Variants in THSD4 observed in about 807,000 individuals in gnomAD.
THSD4 encodes thrombospondin type-1 domain-containing protein 4.
In THSD4, 69 loss-of-function variants were observed where a neutral mutation model predicts 119.0. The ratio of observed to expected loss-of-function variants is 0.58; its 90% confidence interval spans 0.48 to 0.71. The LOEUF is 0.71. Ranked by LOEUF, THSD4 falls within the 30% of genes least tolerant of loss-of-function variation. THSD4 has a pLI of 0.00. For synonymous variants in THSD4, 524 were observed against 540.4 expected, an observed-to-expected ratio of 0.97 and a Z score of 0.42; for missense variants, 1,393 against 1,391.1, an observed-to-expected ratio of 1.00 and a Z score of -0.02.
At chr15:71,725,362 G>A (rs889335839) in intron 8 of THSD4, among the ~76,000 whole-genome samples, 13 of 152,178 alleles carry the variant, frequency 8.5e-5, no homozygotes, top group African/African-American at 3.1e-4. Context: ...GCAAAGTTTG[G>A]CCTGTCAACA....
intron 3 of THSD4, among the ~76,000 whole-genome samples, chr15:71,198,480 CAT>C (rs1371247442): frequency 6.6e-6 from 1 of 152,228 alleles, no homozygotes; most frequent in African/African-American, 2.4e-5. Context: ...AGAATTCTTG[CAT>C]ATCAGGCTGG....
intron 9 of THSD4, chr15:71,729,659 A>T (rs1465712313): frequency 7.2e-5 from 11 of 151,924 alleles, no homozygotes; most frequent in Admixed American, 6.6e-4. Context: ...GTTGAATCTG[A>T]ATATATTTTA....
At chr15:71,485,695 AAGAG>A (rs371299748) in intron 7 of THSD4, among the ~76,000 whole-genome samples, 216 of 152,212 alleles carry the variant, frequency 1.4e-3, no homozygotes, top group African/African-American at 3.9e-3. Flanking sequence ...GAAAAAAAAA[AAGAG>A]AGAGAATAAA....
At position 71,456,440 on chromosome 15, in the gene THSD4, T is replaced by C. The variant is rs150342442; in HGVS notation, c.1152+44617T>C. 1.6e-3 allele frequency among the ~76,000 whole-genome samples: 239 copies of C among 152,350 alleles called. 1 individual carries two copies. The highest frequency in any genetic ancestry group is 5.2e-3 in the African/African-American group (215 of 41,584). ...AGCATTGTTTCATGATTCATGGTGA[T>C]GATGAAGGCACTGTGCTAAGCATAT... On this transcript the variant is annotated intron_variant, in intron 7 of 17. Transcript: ENST00000261862.
intron 6 of THSD4, among the ~76,000 whole-genome samples, chr15:71,291,500 T>C (rs2044791333): frequency 6.6e-6 from 1 of 152,048 alleles, no homozygotes; most frequent in Non-Finnish European, 1.5e-5. Context: ...AGAGACAAAT[T>C]CCAACACAAG....
rs529193823 is a variant in THSD4 at position 71,595,483 on chromosome 15, C to A, written c.1153-65047C>A. 1.6e-4 allele frequency among the ~76,000 whole-genome samples: 24 copies of A among 152,258 alleles called. No individual in the cohort carries two copies. The South Asian group carries it at 2.7e-3, about 17-fold the overall frequency. On this transcript the variant is annotated intron_variant, in intron 7 of 17. Transcript: ENST00000261862. Reference sequence around the variant, plus strand: ...CCACCATGTAAGAAGTGCCTTTCGCCTCCTGCCATGATTCGGAGGCCTACC... The same window carrying A: ...CCACCATGTAAGAAGTGCCTTTCGCATCCTGCCATGATTCGGAGGCCTACC...
intron 7 of THSD4, among the ~76,000 whole-genome samples, chr15:71,594,008 G>C (rs1885400587): frequency 6.6e-6 from 1 of 151,994 alleles, no homozygotes; most frequent in South Asian, 2.1e-4. Flanking sequence ...GAGGGGAAAG[G>C]TGCCCAGGAA....
intron 6 of THSD4, among the ~76,000 whole-genome samples, chr15:71,321,012 C>T (rs1388978860): frequency 1.3e-5 from 2 of 152,092 alleles, no homozygotes; most frequent in Non-Finnish European, 2.9e-5. Flanking sequence ...TGAAAATAAA[C>T]GTTAAAACAT....
intron 3 of THSD4, among the ~76,000 whole-genome samples, chr15:71,207,000 C>G (rs1334930883): frequency 2.0e-5 from 3 of 152,250 alleles, no homozygotes; most frequent in Non-Finnish European, 4.4e-5. Context: ...TTATTATAAT[C>G]ATGGTGTCGT....
chr15:71,695,490 T>TTG (rs1355737158), intron 8 of THSD4, among the ~76,000 whole-genome samples: 8 of 141,166 alleles, frequency 5.7e-5, no homozygotes, highest in African/African-American at 2.2e-4. Context: ...CATAAAATAT[T>TTG]TGTGTGTGTG....
intron 7 of THSD4, among the ~76,000 whole-genome samples, chr15:71,437,100 C>A (rs908993152): frequency 1.4e-5 from 2 of 142,978 alleles, no homozygotes; most frequent in African/African-American, 5.2e-5. Context: ...CCTCAAGAAG[C>A]TTACAATTAT....
At position 71,321,215 on chromosome 15, in the gene THSD4, G is replaced by A. The variant is rs117359898; in HGVS notation, c.1015+64500G>A. On this transcript the variant is annotated intron_variant, in intron 6 of 17. Coordinates refer to ENST00000261862, the MANE Select transcript of THSD4 (RefSeq NM_024817.3). ...ACCAGAGCTGGACCTAAGATCTTCTGCAGCTTCATGTACTCCCTCTGTAAA... is the reference window on the plus strand; with the variant it reads ...ACCAGAGCTGGACCTAAGATCTTCTACAGCTTCATGTACTCCCTCTGTAAA... Among the ~76,000 whole-genome samples the A allele has an allele frequency of 1.8e-4, 27 of 152,236 alleles. No homozygotes were observed. The East Asian group carries it at 5.2e-3, about 29-fold the overall frequency.
intron 7 of THSD4, among the ~76,000 whole-genome samples, chr15:71,501,602 T>C (rs1425634708): frequency 1.3e-5 from 2 of 152,252 alleles, no homozygotes; most frequent in Admixed American, 6.5e-5. Flanking sequence ...GCTGAGTTGA[T>C]GGAATAATCC....
chr15:71,157,477 C>T lies in THSD4; in HGVS notation c.99+2545C>T, dbSNP rs111842160. ...GTGGTGAGAACATTCAAAAGCCTCT[C>T]TTCTAGCTATTTTGTCATATATAAT... On this transcript the variant is annotated intron_variant, in intron 3 of 17. Coordinates refer to ENST00000261862, the MANE Select transcript of THSD4 (RefSeq NM_024817.3). Among the ~76,000 whole-genome samples the T allele has an allele frequency of 4.2e-3, 645 of 152,052 alleles. 6 individuals carry two copies. Among genetic ancestry groups the T allele is most frequent in the African/African-American group, 0.015 (623 of 41,466 alleles).
chr15:71,572,167 G>A (rs1026609656), intron 7 of THSD4, among the ~76,000 whole-genome samples: 6 of 152,070 alleles, frequency 3.9e-5, no homozygotes, highest in African/African-American at 1.4e-4. Flanking sequence ...TTATATTTTG[G>A]ATTTACAAAA....
chr15:71,589,220 T>C (rs1567050572), intron 7 of THSD4, among the ~76,000 whole-genome samples: 1 of 150,058 alleles, frequency 6.7e-6, no homozygotes, highest in African/African-American at 2.4e-5. Context: ...TTAAATGGAC[T>C]TGAATATATT....
intron 1 of THSD4, among the ~76,000 whole-genome samples, chr15:71,098,722 A>G (rs2040242211): frequency 6.6e-6 from 1 of 152,236 alleles, no homozygotes; most frequent in African/African-American, 2.4e-5. Context: ...GATATATAAT[A>G]TACTCATCCA....
At chr15:71,534,452 T>C (rs4777406) in intron 7 of THSD4, among the ~76,000 whole-genome samples, 29,598 of 152,242 alleles carry the variant, frequency 0.19, 3,475 homozygotes, top group Admixed American at 0.28. Context: ...GAGTCTCATA[T>C]TGCATTTGTG....
chr15:71,387,897 G>T (rs2046315919), intron 6 of THSD4, among the ~76,000 whole-genome samples: 1 of 152,088 alleles, frequency 6.6e-6, no homozygotes, highest in African/African-American at 2.4e-5. Flanking sequence ...CTTGGCCAGG[G>T]GACCTCTTGC....
Sources: gnomAD v4.1 joint callset for allele counts (sites outside exome capture counted in the v4.1 genomes callset) on GRCh38, gnomAD v4.1.1 for gene constraint, MANE v1.5 for transcripts, NCBI Gene and HGNC (gene_info 2026-07-23, HGNC 2026-07-21) for gene names.